CLSTN2: variants seen among roughly 807,000 people sequenced by gnomAD.
CLSTN2 encodes the protein calsyntenin 2.
CLSTN2 carries 48 observed loss-of-function variants against 101.2 expected under a neutral mutation model. That is an observed-to-expected ratio of 0.47 (90% CI 0.38 to 0.60). The LOEUF (loss-of-function observed/expected upper bound fraction) is 0.60, where lower values mean the gene tolerates loss of function less well. Ranked by LOEUF, CLSTN2 falls within the 20% of genes least tolerant of loss-of-function variation. The probability of loss-of-function intolerance (pLI) is 0.00; values close to 1 mark genes in which losing one functional copy is unlikely to be tolerated. For synonymous variants in CLSTN2, 481 were observed against 463.6 expected, an observed-to-expected ratio of 1.04 and a Z score of -0.48; for missense variants, 1,160 against 1,238.2, an observed-to-expected ratio of 0.94 and a Z score of 0.95.
intron 2 of CLSTN2, among the ~76,000 whole-genome samples, chr3:140,198,491 T>C: frequency 6.6e-6 from 1 of 152,204 alleles, no homozygotes; most frequent in East Asian, 1.9e-4. Context: ...GCTCACCAGC[T>C]GTTGGCAGAA....
At chr3:140,133,029 T>A (rs1270028415) in intron 1 of CLSTN2, among the ~76,000 whole-genome samples, 1 of 152,160 alleles carries the variant, frequency 6.6e-6, no homozygotes, top group African/African-American at 2.4e-5. Context: ...AAAAAGAGGT[T>A]TATTTGCCTC....
At chr3:140,102,176 G>C (rs568860208) in intron 1 of CLSTN2, among the ~76,000 whole-genome samples, 1 of 152,210 alleles carries the variant, frequency 6.6e-6, no homozygotes, top group South Asian at 2.1e-4. Flanking sequence ...CCAATCATTC[G>C]TGATAAGGAA....
intron 8 of CLSTN2, chr3:140,506,577 A>T (rs1203035074): frequency 1.3e-5 from 2 of 152,208 alleles, no homozygotes; most frequent in East Asian, 3.9e-4. Flanking sequence ...GGGGCTCTGC[A>T]GAACATGACC....
chr3:140,093,823 A>T (rs918881899), intron 1 of CLSTN2, among the ~76,000 whole-genome samples: 11 of 152,222 alleles, frequency 7.2e-5, no homozygotes, highest in African/African-American at 1.9e-4. Context: ...TACTATTTCT[A>T]AGTTACAAGT....
chr3:140,416,395 A>T (rs1196692509), intron 4 of CLSTN2, among the ~76,000 whole-genome samples: 1 of 152,136 alleles, frequency 6.6e-6, no homozygotes, highest in Non-Finnish European at 1.5e-5. Context: ...ACACACACAC[A>T]AGAAAGGTAA....
At chr3:140,258,861 T>C (rs921909596) in intron 2 of CLSTN2, among the ~76,000 whole-genome samples, 1 of 152,158 alleles carries the variant, frequency 6.6e-6, no homozygotes, top group African/African-American at 2.4e-5. Flanking sequence ...GAGACATCTG[T>C]GGAATTATCT....
At chr3:140,294,067 T>C (rs2086980425) in intron 2 of CLSTN2, among the ~76,000 whole-genome samples, 1 of 152,344 alleles carries the variant, frequency 6.6e-6, no homozygotes, top group South Asian at 2.1e-4. Context: ...CTGAGGGATC[T>C]CTAAGATACC....
chr3:140,441,783 A>G (rs886812749), intron 5 of CLSTN2, among the ~76,000 whole-genome samples: 3 of 152,104 alleles, frequency 2.0e-5, no homozygotes, highest in Admixed American at 6.6e-5. Context: ...TCTGTTTCTG[A>G]CGCTCTAAAT....
At chr3:139,994,604 G>A (rs994555939) in intron 1 of CLSTN2, among the ~76,000 whole-genome samples, 3 of 152,098 alleles carry the variant, frequency 2.0e-5, no homozygotes, top group African/African-American at 7.2e-5. Context: ...AACCTTCCAG[G>A]ATACACAGTT....
At chr3:140,284,224 T>TA (rs1188254728) in intron 2 of CLSTN2, among the ~76,000 whole-genome samples, 5 of 152,166 alleles carry the variant, frequency 3.3e-5, no homozygotes, top group Non-Finnish European at 5.9e-5. Flanking sequence ...TCCTATATTT[T>TA]AAAATCTAAA....
intron 2 of CLSTN2, among the ~76,000 whole-genome samples, chr3:140,204,290 C>A (rs898443074): frequency 9.8e-5 from 15 of 152,288 alleles, no homozygotes; most frequent in African/African-American, 3.6e-4. Flanking sequence ...GGGCACTACC[C>A]AGAAGCTAAG....
At chr3:140,481,123 A>C (rs553642901) in intron 8 of CLSTN2, among the ~76,000 whole-genome samples, 1 of 152,198 alleles carries the variant, frequency 6.6e-6, no homozygotes, top group African/African-American at 2.4e-5. Flanking sequence ...TAATTTTTGT[A>C]TAAGGTGTAA....
At position 140,073,325 on chromosome 3, in the gene CLSTN2, C is replaced by G. The variant is rs563615919; in HGVS notation, c.110-102626C>G. On this transcript the variant is annotated intron_variant, in intron 1 of 16. Transcript: ENST00000458420. ...CAGCCACATTTACCACTCCCACCCC[C>G]CAGGATGTATTTTCTGGTTAGGTTG... Among the ~76,000 whole-genome samples, 141 of 152,306 alleles carry G rather than the reference C, an allele frequency of 9.3e-4. 1 individual carries two copies. The highest frequency in any genetic ancestry group is 2.6e-3 in the African/African-American group (108 of 41,562).
In CLSTN2 at chr3:140,546,598, A is replaced by C; in HGVS notation, c.1591A>C (p.Ser531Arg). 2 of 1,614,176 alleles carry C rather than the reference A, an allele frequency of 1.2e-6. No homozygotes were observed. The highest frequency in any genetic ancestry group is 1.7e-6 in the Non-Finnish European group (2 of 1,180,018). Residue 531 changes from serine to arginine, a missense_variant, in exon 10 of 17, where the codon AGC (serine) becomes CGC (arginine). Ser to Arg is a moderately radical substitution (Grantham distance 110, BLOSUM62 -1). Transcript: ENST00000458420. Reference protein sequence around the residue: ...SLTIRPGKMESQKVISCLQAC... With the variant: ...SLTIRPGKMERQKVISCLQAC... ...CACCATCCGCCCTGGCAAAATGGAA[A>C]GCCAGAAGGTGATCTCCTGCCTGCA...
At chr3:140,377,369 A>C (rs558937216) in intron 2 of CLSTN2, among the ~76,000 whole-genome samples, 7 of 152,170 alleles carry the variant, frequency 4.6e-5, no homozygotes, top group Non-Finnish European at 1.0e-4. Context: ...TTCTACTTAT[A>C]TGTTAACTGT....
At chr3:140,352,592 A>T (rs1440345727) in intron 2 of CLSTN2, among the ~76,000 whole-genome samples, 1 of 152,208 alleles carries the variant, frequency 6.6e-6, no homozygotes, top group African/African-American at 2.4e-5. Flanking sequence ...CATTCCGACA[A>T]TGGATGTGCT....
intron 8 of CLSTN2, among the ~76,000 whole-genome samples, chr3:140,517,608 G>A (rs575283939): frequency 0.027 from 4,040 of 152,228 alleles, 171 homozygotes; most frequent in African/African-American, 0.09. Flanking sequence ...TAGCCACCCA[G>A]CAGAACTACT....
chr3:139,937,317 A>C (rs2107805018), intron 1 of CLSTN2, among the ~76,000 whole-genome samples: 2 of 152,296 alleles, frequency 1.3e-5, no homozygotes, highest in South Asian at 4.1e-4. Context: ...TAAGCGAGAA[A>C]GAGAAGGAGA....
At chr3:140,116,257 A>G (rs763514987) in intron 1 of CLSTN2, among the ~76,000 whole-genome samples, 17 of 152,248 alleles carry the variant, frequency 1.1e-4, no homozygotes, top group East Asian at 7.7e-4. Context: ...TCATTTTAAA[A>G]GGAAACTTTA....
Sources: gnomAD v4.1 joint callset for allele counts (sites outside exome capture counted in the v4.1 genomes callset) on GRCh38, gnomAD v4.1.1 for gene constraint, MANE v1.5 for transcripts, NCBI Gene and HGNC (gene_info 2026-07-23, HGNC 2026-07-21) for gene names.